Variants in SGMS1 observed in about 807,000 individuals in gnomAD.
The protein encoded by SGMS1 is sphingomyelin synthase 1.
A neutral mutation model predicts 46.2 loss-of-function variants in SGMS1; 13 were observed. That is an observed-to-expected ratio of 0.28 (90% CI 0.18 to 0.45). The LOEUF is 0.45. SGMS1 is among the 20% of genes least tolerant of loss of function. The pLI, the probability that SGMS1 is intolerant of heterozygous loss-of-function variation, is 1.00. For missense variants in SGMS1, 324 were observed against 519.9 expected (o/e 0.62, Z 3.66); for synonymous variants, 203 against 187.8 (o/e 1.08, Z -0.66).
intron 6 of SGMS1, among the ~76,000 whole-genome samples, chr10:50,407,226 GT>G (rs1431780205): frequency 6.6e-6 from 1 of 152,118 alleles, no homozygotes; most frequent in African/African-American, 2.4e-5. Flanking sequence ...GATTTGCTAA[GT>G]GATATATCAT....
Position 50,377,543 on chromosome 10 carries a change from T to C in SGMS1, c.-231-33198A>G, listed in dbSNP as rs148040893. ...TTTAGATGTATGCCTTTTATTACAG[T>C]AGTCACTTCTTTTCTGGTACGCCAT... On this transcript the variant is annotated intron_variant, in intron 6 of 10. Transcript: ENST00000361781. Among the ~76,000 whole-genome samples the C allele has an allele frequency of 3.9e-5, 6 of 152,326 alleles. No individual in the cohort carries two copies. The East Asian group carries it at 1.2e-3, about 29-fold the overall frequency.
intron 3 of SGMS1, among the ~76,000 whole-genome samples, chr10:50,517,953 GA>G (rs1315147007): frequency 5.3e-5 from 8 of 152,078 alleles, no homozygotes; most frequent in Non-Finnish European, 1.0e-4. Context: ...AAAATTGAGA[GA>G]AGTTACCACC....
intron 6 of SGMS1, among the ~76,000 whole-genome samples, chr10:50,386,941 T>C (rs1264961095): frequency 1.3e-5 from 2 of 152,272 alleles, no homozygotes; most frequent in East Asian, 1.9e-4. Flanking sequence ...TGAATATCTA[T>C]TGACAGGTGA....
At chr10:50,433,707 T>C (rs1254966042) in intron 5 of SGMS1, among the ~76,000 whole-genome samples, 151 bp from the exon 6 acceptor site, 1 of 152,030 alleles carries the variant, frequency 6.6e-6, no homozygotes, top group African/African-American at 2.4e-5. Context: ...AAAGAGAAAA[T>C]AGCAACACAG....
At chr10:50,324,188 C>T (rs946628050) in intron 8 of SGMS1, among the ~76,000 whole-genome samples, 5 of 152,310 alleles carry the variant, frequency 3.3e-5, no homozygotes, top group African/African-American at 1.2e-4. Flanking sequence ...GCATCATTAG[C>T]TCTGCTTTGC....
chr10:50,542,717 T>TATATATATTATATTATATATAACAATG (rs1838065406), intron 2 of SGMS1, among the ~76,000 whole-genome samples: 1 of 148,052 alleles, frequency 6.8e-6, no homozygotes, highest in Non-Finnish European at 1.5e-5. Flanking sequence ...CTATAAATAT[T>TATATATATTATATTATATATAACAATG]ATATATATTA....
At chr10:50,523,560 C>T (rs1258949171) in intron 2 of SGMS1, among the ~76,000 whole-genome samples, 1 of 152,162 alleles carries the variant, frequency 6.6e-6, no homozygotes, top group African/African-American at 2.4e-5. Context: ...ACTGGCATAA[C>T]AAAACAGTAG....
intron 2 of SGMS1, among the ~76,000 whole-genome samples, chr10:50,536,680 A>G (rs958706439): frequency 3.3e-5 from 5 of 152,210 alleles, no homozygotes; most frequent in African/African-American, 1.2e-4. Flanking sequence ...CCATGTTTAC[A>G]AAGTTTCCTT....
chr10:50,340,286 C>A (rs1847795953), intron 7 of SGMS1: 1 of 152,186 alleles, frequency 6.6e-6, no homozygotes, highest in South Asian at 2.1e-4. Context: ...ACTGTGTTAG[C>A]CATTATTTAG....
At chr10:50,476,097 CAAAAAA>C (rs58641986) in intron 3 of SGMS1, among the ~76,000 whole-genome samples, 211 of 43,320 alleles carry the variant, frequency 4.9e-3, no homozygotes, top group African/African-American at 0.015. Flanking sequence ...ACTAAAAATA[CAAAAAA>C]AAAAAAAAAA....
intron 3 of SGMS1, among the ~76,000 whole-genome samples, chr10:50,470,866 G>A (rs1419130104): frequency 6.6e-6 from 1 of 151,986 alleles, no homozygotes; most frequent in African/African-American, 2.4e-5. Flanking sequence ...CTTCCAAACT[G>A]GCCTCTCAAA....
intron 1 of SGMS1, among the ~76,000 whole-genome samples, chr10:50,611,147 C>T (rs1838745807): frequency 6.6e-6 from 1 of 152,168 alleles, no homozygotes; most frequent in South Asian, 2.1e-4. Context: ...TGCAATAGCC[C>T]ATCTCACTTA....
intron 3 of SGMS1, among the ~76,000 whole-genome samples, chr10:50,500,486 T>C (rs1837653096): frequency 6.6e-6 from 1 of 152,144 alleles, no homozygotes; most frequent in South Asian, 2.1e-4. Context: ...ACCAAAAGGG[T>C]ACTAATTCAC....
rs373992334 is a variant in SGMS1, at chr10:50,462,775, C to T, written c.-454-1961G>A. 3.0e-4 allele frequency among the ~76,000 whole-genome samples: 46 copies of T among 152,124 alleles called. 1 individual carries two copies. The South Asian group carries it at 6.2e-3, about 21-fold the overall frequency. ...CCATAAGGACAAAAAGAATAGAAAA[C>T]TATATTAGAGCAAACAATAGGCATC... On this transcript the variant is annotated intron_variant, in intron 4 of 10. Coordinates refer to ENST00000361781, the MANE Select transcript of SGMS1 (RefSeq NM_147156.4).
intron 8 of SGMS1, among the ~76,000 whole-genome samples, chr10:50,316,644 G>A (rs1300523339): frequency 2.0e-5 from 3 of 152,084 alleles, no homozygotes; most frequent in Admixed American, 6.6e-5. Flanking sequence ...AAATTATTTT[G>A]TTCTGTTCCC....
chr10:50,566,381 G>A (rs1224135093), intron 2 of SGMS1, among the ~76,000 whole-genome samples: 1 of 151,766 alleles, frequency 6.6e-6, no homozygotes, highest in African/African-American at 2.4e-5. Flanking sequence ...TTCTCTATTT[G>A]CCTGACACAG....
chr10:50,466,948 A>T lies in SGMS1; in HGVS notation c.-497-16T>A, dbSNP rs1837335356. 6.6e-6 allele frequency: 1 copy of T among 152,222 alleles called. No individual in the cohort carries two copies. Among genetic ancestry groups the T allele is most frequent in the Non-Finnish European group, 1.5e-5 (1 of 67,992 alleles). 9.4% of individuals were successfully genotyped at this position (152,222 alleles called of 1,614,324 possible). A position where few individuals can be genotyped will look rare whatever the true frequency, so the allele number is the denominator to read the frequency against. On this transcript the variant is annotated splice_polypyrimidine_tract_variant and intron_variant, in intron 3 of 10. Coordinates refer to ENST00000361781, the MANE Select transcript of SGMS1 (RefSeq NM_147156.4). Reference sequence around the variant, plus strand: ...TCTTTCCAATCTAGAAGAAGTAATAAGTAAATTAAAGTGCATTCTTTGTGC... The same window carrying T: ...TCTTTCCAATCTAGAAGAAGTAATATGTAAATTAAAGTGCATTCTTTGTGC...
intron 6 of SGMS1, among the ~76,000 whole-genome samples, chr10:50,388,591 C>T (rs190988622): frequency 5.9e-4 from 89 of 151,560 alleles, no homozygotes; most frequent in African/African-American, 4.8e-4. Context: ...CCAGCCTGGG[C>T]GACAGAGCGA....
intron 6 of SGMS1, among the ~76,000 whole-genome samples, chr10:50,397,107 T>C (rs1848858859): frequency 1.3e-5 from 2 of 152,208 alleles, no homozygotes; most frequent in Admixed American, 6.5e-5. Context: ...CAACCCATTC[T>C]CTTCAAATGA....
Sources: allele counts gnomAD v4.1 joint callset (sites outside exome capture counted in the v4.1 genomes callset), GRCh38; gene constraint gnomAD v4.1.1; transcripts MANE v1.5; gene names NCBI Gene and HGNC (gene_info 2026-07-23, HGNC 2026-07-21).